Variants in DCBLD2 observed in about 807,000 individuals in gnomAD.
The protein encoded by DCBLD2 is discoidin, CUB and LCCL domain-containing protein 2.
In DCBLD2, 54 loss-of-function variants were observed where a neutral mutation model predicts 86.8. The observed-to-expected ratio is 0.62, with a 90% confidence interval of 0.50 to 0.78. The LOEUF (loss-of-function observed/expected upper bound fraction) is 0.78. DCBLD2 is among the 30% of genes least tolerant of loss of function. The probability of loss-of-function intolerance (pLI) is 0.00; values close to 1 mark genes in which losing one functional copy is unlikely to be tolerated. For missense variants in DCBLD2, 908 were observed against 954.2 expected (o/e 0.95, Z 0.64); for synonymous variants, 354 against 341.3 (o/e 1.04, Z -0.41).
chr3:98,868,093 G>A (rs974794530), intron 2 of DCBLD2, among the ~76,000 whole-genome samples: 7 of 152,046 alleles, frequency 4.6e-5, no homozygotes, highest in Admixed American at 1.3e-4. Flanking sequence ...GTGAGCCACC[G>A]TGCCCGACCA....
chr3:98,796,096 A>G lies in DCBLD2; in HGVS notation c.*3276T>C, dbSNP rs746716628. On this transcript the variant is annotated 3_prime_UTR_variant, in exon 16 of 16. Coordinates refer to ENST00000326840, the MANE Select transcript of DCBLD2 (RefSeq NM_080927.4). Reference sequence around the variant, plus strand: ...TTCACTATTTTACAATCTAAATTCTAGCAACATATACAAATACTGAGTGAC... The same window carrying G: ...TTCACTATTTTACAATCTAAATTCTGGCAACATATACAAATACTGAGTGAC... 1 of 152,668 alleles carries G rather than the reference A, an allele frequency of 6.6e-6. No homozygotes were observed. The highest frequency in any genetic ancestry group is 1.5e-5 in the Non-Finnish European group (1 of 68,048). The allele number at this position is 152,668 out of a possible 1,614,324, so 9.5% of individuals were successfully genotyped here.
Position 98,901,424 on chromosome 3 carries a change from G to A in DCBLD2, c.-98C>T. The A allele has an allele frequency of 1.7e-6, 2 of 1,194,624 alleles. No homozygotes were observed. The highest frequency in any genetic ancestry group is 2.1e-6 in the Non-Finnish European group (2 of 951,114). 74.0% of individuals were successfully genotyped at this position (1,194,624 alleles called of 1,614,324 possible). On this transcript the variant is annotated 5_prime_UTR_variant, in exon 1 of 16. Coordinates refer to ENST00000326840, the MANE Select transcript of DCBLD2 (RefSeq NM_080927.4). ...GACCAGGAGACGGCGGCAGCGGCGG[G>A]AGAACAAGAGGCAGCCCTCGCCTCA...
intron 2 of DCBLD2, among the ~76,000 whole-genome samples, chr3:98,854,954 T>G (rs1388640150): frequency 6.6e-6 from 1 of 152,152 alleles, no homozygotes; most frequent in Non-Finnish European, 1.5e-5. Flanking sequence ...CAAAAATTTC[T>G]TAAACAGAAT....
intron 1 of DCBLD2, among the ~76,000 whole-genome samples, chr3:98,892,205 A>G (rs192712564): frequency 9.2e-5 from 14 of 152,282 alleles, no homozygotes; most frequent in African/African-American, 3.4e-4. Flanking sequence ...CCTAACCAGT[A>G]TACTGGTGAG....
At chr3:98,836,480 C>T (rs538807516) in intron 3 of DCBLD2, among the ~76,000 whole-genome samples, 11 of 152,126 alleles carry the variant, frequency 7.2e-5, no homozygotes, top group Non-Finnish European at 1.3e-4. Context: ...TGAAAAGTCT[C>T]TCATGTCTAC....
intron 2 of DCBLD2, among the ~76,000 whole-genome samples, chr3:98,868,367 G>A (rs1229791497): frequency 1.3e-5 from 2 of 152,144 alleles, no homozygotes; most frequent in Non-Finnish European, 2.9e-5. Context: ...AAGAAGATAT[G>A]ATACATGCTG....
At chr3:98,810,859 GT>G (rs1243962493) in intron 12 of DCBLD2, among the ~76,000 whole-genome samples, 1 of 151,918 alleles carries the variant, frequency 6.6e-6, no homozygotes, top group Non-Finnish European at 1.5e-5. Flanking sequence ...AAACAAGTTT[GT>G]TTCCTGCTAT....
At chr3:98,830,530 G>A (rs1037300755) in intron 3 of DCBLD2, among the ~76,000 whole-genome samples, 1 of 152,036 alleles carries the variant, frequency 6.6e-6, no homozygotes, top group East Asian at 1.9e-4. Context: ...TAGCTTTGTC[G>A]AAGATCAGGT....
At chr3:98,869,133 C>T (rs7615856) in intron 2 of DCBLD2, among the ~76,000 whole-genome samples, 55,803 of 151,930 alleles carry the variant, frequency 0.37, 11,197 homozygotes, top group East Asian at 0.71. Context: ...TTTTTGACTT[C>T]TTAATGGCCA....
intron 15 of DCBLD2, among the ~76,000 whole-genome samples, chr3:98,800,376 G>A (rs1255096225): frequency 2.0e-5 from 3 of 152,030 alleles, no homozygotes; most frequent in Non-Finnish European, 2.9e-5. Flanking sequence ...AGAAATCAAT[G>A]TCCCAACTTT....
At chr3:98,867,931 T>C (rs1380459948) in intron 2 of DCBLD2, among the ~76,000 whole-genome samples, 2 of 152,022 alleles carry the variant, frequency 1.3e-5, no homozygotes, top group South Asian at 2.1e-4. Context: ...GCCTCCTGCA[T>C]AGCTGGGACT....
At position 98,822,297 on chromosome 3, in the gene DCBLD2, A is replaced by C. The variant is rs762825910; in HGVS notation, c.761T>G (p.Ile254Ser). Residue 254 changes from isoleucine (I) to serine (S), a missense_variant, in exon 6 of 16, where the codon ATC (isoleucine) becomes AGC (serine). Coordinates refer to ENST00000326840, the MANE Select transcript of DCBLD2 (RefSeq NM_080927.4). Reference protein sequence around the residue: ...GVVSNTLGGQISVVISKGIPY... With the variant: ...GVVSNTLGGQSSVVISKGIPY... ...GATACCTTTACTAATTACAACACTG[A>C]TTTGGCCGCCCAACGTGTTTGACAC... 2 of 1,613,976 alleles carry C rather than the reference A, an allele frequency of 1.2e-6. No individual in the cohort carries two copies. The highest frequency in any genetic ancestry group is 1.7e-6 in the Non-Finnish European group (2 of 1,179,872).
In DCBLD2 at chr3:98,896,726, T is replaced by C. The variant is rs536419372; in HGVS notation, c.205+4396A>G. Among the ~76,000 whole-genome samples the C allele has an allele frequency of 7.9e-5, 12 of 152,170 alleles. No homozygotes were observed. The South Asian group carries it at 1.9e-3, about 24-fold the overall frequency. On this transcript the variant is annotated intron_variant, in intron 1 of 15. Coordinates refer to ENST00000326840, the MANE Select transcript of DCBLD2 (RefSeq NM_080927.4). ...ATTTAAAAATAAATACAAAGTCCTATGGCCGTAAGGTTGTTATAAAGAAAA... is the reference window on the plus strand; with the variant it reads ...ATTTAAAAATAAATACAAAGTCCTACGGCCGTAAGGTTGTTATAAAGAAAA...
intron 1 of DCBLD2, among the ~76,000 whole-genome samples, chr3:98,889,069 G>A (rs1003107741): frequency 8.6e-5 from 13 of 151,754 alleles, no homozygotes; most frequent in African/African-American, 2.7e-4. Context: ...TGGGCCTCAC[G>A]TCCAATACAT....
In DCBLD2 at chr3:98,901,311, C is replaced by T; in HGVS notation, c.16G>A (p.Val6Met). Residue 6 changes from valine to methionine, a missense_variant, in exon 1 of 16, where the codon GTG becomes ATG. By Grantham distance (21) the Val-to-Met change is conservative. Coordinates refer to ENST00000326840, the MANE Select transcript of DCBLD2 (RefSeq NM_080927.4). Reference sequence around the variant, plus strand: ...TGCGGGCAGCGCCTGGCTCTCACCACCGCCCGGCTCGCCATCGCGGCGGCC... The same window carrying T: ...TGCGGGCAGCGCCTGGCTCTCACCATCGCCCGGCTCGCCATCGCGGCGGCC... The part of the protein sequence containing the change: MASRA[V>M]VRARRCPQCP... 7.0e-7 allele frequency: 1 copy of T among 1,422,854 alleles called. No individual in the cohort carries two copies. The highest frequency in any genetic ancestry group is 9.1e-7 in the Non-Finnish European group (1 of 1,101,192). 88.1% of individuals were successfully genotyped at this position (1,422,854 alleles called of 1,614,324 possible). A position where few individuals can be genotyped will look rare whatever the true frequency, so the allele number is the denominator to read the frequency against.
At chr3:98,846,285 C>A (rs561670190) in intron 3 of DCBLD2, among the ~76,000 whole-genome samples, 2 of 152,228 alleles carry the variant, frequency 1.3e-5, no homozygotes, top group South Asian at 2.1e-4. Context: ...CTTTTCATTC[C>A]CAAATACTCT....
At chr3:98,883,043 G>A (rs11716579) in intron 1 of DCBLD2, among the ~76,000 whole-genome samples, 25,166 of 152,126 alleles carry the variant, frequency 0.17, 2,174 homozygotes, top group African/African-American at 0.22. Context: ...CACCAACAGT[G>A]TAACAGCATT....
chr3:98,875,881 C>T (rs1249824367), intron 2 of DCBLD2, among the ~76,000 whole-genome samples: 1 of 151,714 alleles, frequency 6.6e-6, no homozygotes, highest in Non-Finnish European at 1.5e-5. Context: ...ATACTTCATG[C>T]CATACAAAAG....
At chr3:98,861,324 G>C (rs932941332) in intron 2 of DCBLD2, among the ~76,000 whole-genome samples, 9 of 152,118 alleles carry the variant, frequency 5.9e-5, no homozygotes, top group Non-Finnish European at 1.3e-4. Context: ...CAATGAGAAA[G>C]AAAGTTAACA....
Sources: gnomAD v4.1 joint callset for allele counts (sites outside exome capture counted in the v4.1 genomes callset) on GRCh38, gnomAD v4.1.1 for gene constraint, MANE v1.5 for transcripts, NCBI Gene and HGNC (gene_info 2026-07-23, HGNC 2026-07-21) for gene names.